The following KCNQ3 variants were observed in gnomAD, a reference collection of about 807,000 sequenced individuals.
KCNQ3 encodes potassium voltage-gated channel subfamily Q member 3, also known as potassium voltage-gated channel subfamily KQT member 3.
In KCNQ3, 30 loss-of-function variants were observed where a neutral mutation model predicts 92.5. The observed-to-expected ratio is 0.32, with a 90% CI of 0.24 to 0.44. The LOEUF (loss-of-function observed/expected upper bound fraction) is 0.44, where lower values mean the gene tolerates loss of function less well. Among genes scored for constraint, KCNQ3 ranks in the 20% least tolerant of loss-of-function variants. KCNQ3 has a pLI of 1.00. For synonymous variants in KCNQ3, 450 were observed against 468.8 expected, an observed-to-expected ratio of 0.96 and a Z score of 0.52; for missense variants, 913 against 1,140.3, an observed-to-expected ratio of 0.80 and a Z score of 2.87.
chr8:132,142,815 C>A (rs1825337961), intron 9 of KCNQ3, among the ~76,000 whole-genome samples: 2 of 152,196 alleles, frequency 1.3e-5, no homozygotes, highest in Non-Finnish European at 1.5e-5. Flanking sequence ...ACCTTTGAAG[C>A]TGGGTGCAGT....
chr8:132,371,405 C>G (rs1196349479), intron 1 of KCNQ3, among the ~76,000 whole-genome samples: 1 of 152,178 alleles, frequency 6.6e-6, no homozygotes. Context: ...CTAAATGGGA[C>G]TAAGAGTCTG....
At chr8:132,257,369 T>C (rs1421457608) in intron 1 of KCNQ3, among the ~76,000 whole-genome samples, 3 of 152,078 alleles carry the variant, frequency 2.0e-5, no homozygotes, top group Admixed American at 6.5e-5. Context: ...AAAAGACAGA[T>C]GTAAGTTTTA....
At chr8:132,188,107 A>G (rs193135400) in intron 1 of KCNQ3, among the ~76,000 whole-genome samples, 1 of 152,324 alleles carries the variant, frequency 6.6e-6, no homozygotes, top group African/African-American at 2.4e-5. Flanking sequence ...TTGGAGTCTA[A>G]GCTTAAAAGG....
At chr8:132,423,098 T>G (rs1409021483) in intron 1 of KCNQ3, among the ~76,000 whole-genome samples, 1 of 152,114 alleles carries the variant, frequency 6.6e-6, no homozygotes, top group Non-Finnish European at 1.5e-5. Context: ...TTTGATGTGG[T>G]CTGACAAAAT....
intron 1 of KCNQ3, among the ~76,000 whole-genome samples, chr8:132,340,422 T>C (rs1818492829): frequency 2.0e-5 from 3 of 152,226 alleles, no homozygotes; most frequent in Non-Finnish European, 4.4e-5. Flanking sequence ...CATGGAATAC[T>C]ATGCAGCCAG....
At chr8:132,441,240 C>T (rs900686651) in intron 1 of KCNQ3, among the ~76,000 whole-genome samples, 6 of 152,212 alleles carry the variant, frequency 3.9e-5, no homozygotes, top group African/African-American at 1.4e-4. Context: ...TGTGTCTTTA[C>T]AATAGAATGA....
intron 1 of KCNQ3, among the ~76,000 whole-genome samples, chr8:132,477,443 A>G (rs1822440967): frequency 6.6e-6 from 1 of 152,186 alleles, no homozygotes; most frequent in African/African-American, 2.4e-5. Context: ...CCAGAACAAG[A>G]TAATGGATGC....
intron 1 of KCNQ3, among the ~76,000 whole-genome samples, chr8:132,395,487 C>T (rs1243871996): frequency 2.6e-5 from 4 of 152,168 alleles, no homozygotes; most frequent in African/African-American, 7.2e-5. Flanking sequence ...GAAAGTGGTA[C>T]CCTACCTGAC....
At chr8:132,479,628 GACAC>G (rs71306386) in intron 1 of KCNQ3, among the ~76,000 whole-genome samples, 175 of 144,134 alleles carry the variant, frequency 1.2e-3, no homozygotes, top group South Asian at 1.8e-3. Context: ...ACAAGCAAGC[GACAC>G]ACACACACAC....
intron 1 of KCNQ3, among the ~76,000 whole-genome samples, chr8:132,273,477 C>T (rs2130505708): frequency 6.6e-6 from 1 of 152,314 alleles, no homozygotes; most frequent in Non-Finnish European, 1.5e-5. Context: ...TCTTCCTAGG[C>T]CTCTGGGCCT....
chr8:132,268,406 G>C (rs895237552), intron 1 of KCNQ3, among the ~76,000 whole-genome samples: 1 of 152,022 alleles, frequency 6.6e-6, no homozygotes, highest in Non-Finnish European at 1.5e-5. Context: ...CTGGGAGCAT[G>C]TGTCATCACA....
intron 3 of KCNQ3, among the ~76,000 whole-genome samples, chr8:132,182,271 G>C (rs1826808841): frequency 6.6e-6 from 1 of 152,192 alleles, no homozygotes; most frequent in African/African-American, 2.4e-5. Context: ...AAGATGTGTA[G>C]TAAACACTAT....
intron 1 of KCNQ3, among the ~76,000 whole-genome samples, chr8:132,419,089 G>T (rs1018652539): frequency 6.6e-6 from 1 of 152,174 alleles, no homozygotes; most frequent in African/African-American, 2.4e-5. Flanking sequence ...ACTGAGAAGA[G>T]ATCCATCTAA....
At chr8:132,275,484 T>G (rs1816292827) in intron 1 of KCNQ3, among the ~76,000 whole-genome samples, 1 of 152,070 alleles carries the variant, frequency 6.6e-6, no homozygotes, top group Non-Finnish European at 1.5e-5. Context: ...ACCCCAGCCT[T>G]TGGAGGCTGG....
chr8:132,428,635 G>A (rs1821169678), intron 1 of KCNQ3, among the ~76,000 whole-genome samples: 1 of 151,986 alleles, frequency 6.6e-6, no homozygotes, highest in African/African-American at 2.4e-5. Flanking sequence ...TCTTTTATTA[G>A]GTTTTAAAAA....
At chr8:132,372,919 G>C (rs1201102339) in intron 1 of KCNQ3, among the ~76,000 whole-genome samples, 2 of 152,114 alleles carry the variant, frequency 1.3e-5, no homozygotes, top group Non-Finnish European at 2.9e-5. Flanking sequence ...CTGGGGGAAA[G>C]TTCCCTGTGA....
At chr8:132,205,307 T>C (rs913856607) in intron 1 of KCNQ3, among the ~76,000 whole-genome samples, 4 of 152,242 alleles carry the variant, frequency 2.6e-5, no homozygotes, top group African/African-American at 9.6e-5. Context: ...TTACTAAAAA[T>C]CCATAAACCT....
chr8:132,223,371 G>A (rs1814300881), intron 1 of KCNQ3, among the ~76,000 whole-genome samples: 1 of 152,224 alleles, frequency 6.6e-6, no homozygotes, highest in Non-Finnish European at 1.5e-5. Flanking sequence ...AATCCCACGT[G>A]AGAGGAGGCA....
intron 1 of KCNQ3, among the ~76,000 whole-genome samples, chr8:132,340,038 A>G (rs1384740473): frequency 6.6e-6 from 1 of 152,208 alleles, no homozygotes; most frequent in Non-Finnish European, 1.5e-5. Context: ...CATTAGAGAA[A>G]TGCAAATCAA....
Sources: gnomAD v4.1 joint callset for allele counts (sites outside exome capture counted in the v4.1 genomes callset) on GRCh38, gnomAD v4.1.1 for gene constraint, MANE v1.5 for transcripts, NCBI Gene and HGNC (gene_info 2026-07-23, HGNC 2026-07-21) for gene names.